The following XXYLT1 variants were observed in gnomAD, a reference collection of about 807,000 sequenced individuals.
The protein encoded by XXYLT1 is UDP-xylose:alpha-xyloside alpha-1,3-xylosyltransferase.
A neutral mutation model predicts 28.9 loss-of-function variants in XXYLT1; 20 were observed. The ratio of observed to expected loss-of-function variants is 0.69; its 90% CI spans 0.49 to 1.00. The LOEUF (loss-of-function observed/expected upper bound fraction) is 1.00. Ranked by LOEUF, XXYLT1 falls within the 50% of genes least tolerant of loss-of-function variation. The pLI, the probability that XXYLT1 is intolerant of heterozygous loss-of-function variation, is 0.00. For synonymous variants in XXYLT1, 257 were observed against 253.8 expected (o/e 1.01, Z -0.12); for missense variants, 542 against 560.1 (o/e 0.97, Z 0.33).
chr3:195,090,579 G>A (rs1454924839), intron 3 of XXYLT1, among the ~76,000 whole-genome samples: 1 of 151,184 alleles, frequency 6.6e-6, no homozygotes, highest in East Asian at 1.9e-4. Context: ...AAGCAGGAAA[G>A]ATCCAAAATT....
Position 195,257,561 on chromosome 3 carries a change from C to T in XXYLT1, c.504+12994G>A, listed in dbSNP as rs1366307772. Among the ~76,000 whole-genome samples the T allele has an allele frequency of 6.6e-6, 1 of 152,154 alleles. No individual in the cohort carries two copies. The highest frequency in any genetic ancestry group is 2.4e-5 in the African/African-American group (1 of 41,438). On this transcript the variant is annotated intron_variant, in intron 1 of 3. Coordinates refer to ENST00000310380, the MANE Select transcript of XXYLT1 (RefSeq NM_152531.5). This position sits in a 1 kb window ranked among gnomAD's most constrained non-coding sequence, Gnocchi z 4.3. ...CCAGAGATGGGAAGTGGCCGGGGTA[C>T]ACCACAACCCCAGGCAGTCCAGCCA... is the stretch of plus-strand genomic sequence containing the variant.
At chr3:195,108,765 G>A (rs538551408) in intron 3 of XXYLT1, among the ~76,000 whole-genome samples, 1 of 152,264 alleles carries the variant, frequency 6.6e-6, no homozygotes, top group African/African-American at 2.4e-5. Flanking sequence ...GTAATAATAT[G>A]GTATTATAAT....
At chr3:195,270,142 C>A in intron 1 of XXYLT1, 1 of 412,498 alleles carries the variant, frequency 2.4e-6, no homozygotes. Context: ...GAGGCCTCAC[C>A]AAGGCCCTCT....
At position 195,133,771 on chromosome 3, in the gene XXYLT1, C is replaced by T. The variant is rs908264316; in HGVS notation, c.785+22678G>A. On this transcript the variant is annotated intron_variant, in intron 3 of 3. Coordinates refer to ENST00000310380, the MANE Select transcript of XXYLT1 (RefSeq NM_152531.5). This position sits in a 1 kb window ranked among gnomAD's most constrained non-coding sequence, Gnocchi z 4.4. Reference sequence around the variant, plus strand: ...AGATCATGATGGAGCTGAAAAATCCCCATTGCCTAGTGACGTCTTGGGGAT... The same window carrying T: ...AGATCATGATGGAGCTGAAAAATCCTCATTGCCTAGTGACGTCTTGGGGAT... Among the ~76,000 whole-genome samples, 1 of 152,212 alleles carries T rather than the reference C, an allele frequency of 6.6e-6. No homozygotes were observed. Among genetic ancestry groups the T allele is most frequent in the African/African-American group, 2.4e-5 (1 of 41,456 alleles).
intron 3 of XXYLT1, among the ~76,000 whole-genome samples, chr3:195,139,014 T>C (rs549949408): frequency 7.9e-5 from 12 of 151,984 alleles, no homozygotes; most frequent in Non-Finnish European, 1.6e-4. Flanking sequence ...AGGGGTTCAG[T>C]GCAGCTGAAA....
In XXYLT1 at chr3:195,158,780, A is replaced by G. The variant is rs183728930; in HGVS notation, c.653-2199T>C. 3.4e-3 allele frequency among the ~76,000 whole-genome samples: 512 copies of G among 152,334 alleles called. 5 individuals carry two copies. Among genetic ancestry groups the G allele is most frequent in the African/African-American group, 0.012 (503 of 41,578 alleles). Reference sequence around the variant, plus strand: ...ACCTGTCCAGGAGGTTAGCCCCTTCATGTAATTATGAAATAAGACGCCAAG... The same window carrying G: ...ACCTGTCCAGGAGGTTAGCCCCTTCGTGTAATTATGAAATAAGACGCCAAG... On this transcript the variant is annotated intron_variant, in intron 2 of 3. Coordinates refer to ENST00000310380, the MANE Select transcript of XXYLT1 (RefSeq NM_152531.5).
At chr3:195,103,462 C>CACCCCACACCAGCGGCCTGCG (rs1716921475) in intron 3 of XXYLT1, among the ~76,000 whole-genome samples, 1 of 152,170 alleles carries the variant, frequency 6.6e-6, no homozygotes, top group African/African-American at 2.4e-5. Flanking sequence ...CTGCGTCCAT[C>CACCCCACACCAGCGGCCTGCG]TCTTCTGCAT....
chr3:195,135,793 T>TGGATGGAC (rs1719163273), intron 3 of XXYLT1, among the ~76,000 whole-genome samples: 1 of 152,046 alleles, frequency 6.6e-6, no homozygotes, highest in African/African-American at 2.4e-5. Flanking sequence ...GATGGATAAA[T>TGGATGGAC]GGATGGACGG....
chr3:195,189,773 G>T (rs1424914449), intron 2 of XXYLT1, among the ~76,000 whole-genome samples: 1 of 151,932 alleles, frequency 6.6e-6, no homozygotes, highest in African/African-American at 2.4e-5. Flanking sequence ...AGACAAAATA[G>T]GTGAAAAAAA....
At chr3:195,252,725 C>CAGAGAGAGAGAGAGAG (rs1366490007) in intron 1 of XXYLT1, among the ~76,000 whole-genome samples, 1 of 129,040 alleles carries the variant, frequency 7.7e-6, no homozygotes, top group African/African-American at 3.3e-5. Context: ...CACACACACA[C>CAGAGAGAGAGAGAGAG]ACAGAGAGAG....
At chr3:195,270,195 G>A (rs1725971133) in intron 1 of XXYLT1, 1 of 520,342 alleles carries the variant, frequency 1.9e-6, no homozygotes, top group Non-Finnish European at 3.6e-6. Context: ...CCCATCCTCA[G>A]AAGTCAAAAA....
intron 3 of XXYLT1, among the ~76,000 whole-genome samples, chr3:195,087,768 T>G (rs1715819802): frequency 6.6e-6 from 1 of 152,038 alleles, no homozygotes; most frequent in Admixed American, 6.6e-5. Context: ...CCATCTGAGG[T>G]ACCGGGTTCA....
rs757575763 is a variant in XXYLT1, at chr3:195,256,131, G to A, written c.504+14424C>T. Among the ~76,000 whole-genome samples the A allele has an allele frequency of 4.6e-5, 7 of 152,190 alleles. No homozygotes were observed. Among genetic ancestry groups the A allele is most frequent in the Non-Finnish European group, 5.9e-5 (4 of 68,026 alleles). On this transcript the variant is annotated intron_variant, in intron 1 of 3. Transcript: ENST00000310380. This position sits in a 1 kb window ranked among gnomAD's most constrained non-coding sequence, Gnocchi z 4.2. ...GGCTTTGGAGGGACAAGAACAAACC[G>A]CCAAAATCAACAGGCATCGGGCAGA...
At chr3:195,148,493 G>A (rs1456211735) in intron 3 of XXYLT1, among the ~76,000 whole-genome samples, 1 of 152,004 alleles carries the variant, frequency 6.6e-6, no homozygotes, top group African/African-American at 2.4e-5. Flanking sequence ...TTCATCTTCA[G>A]GTGTCAGAGA....
At chr3:195,231,771 T>C (rs1215380218) in intron 1 of XXYLT1, among the ~76,000 whole-genome samples, 6 of 151,868 alleles carry the variant, frequency 4.0e-5, no homozygotes, top group African/African-American at 1.5e-4. Context: ...TTTTTTTAAA[T>C]GTACTGCTGA....
chr3:195,232,688 T>G (rs1448314686), intron 1 of XXYLT1, among the ~76,000 whole-genome samples: 1 of 152,222 alleles, frequency 6.6e-6, no homozygotes, highest in Non-Finnish European at 1.5e-5. Flanking sequence ...TTTGTATAGT[T>G]TCCAAAATTC....
At position 195,208,909 on chromosome 3, in the gene XXYLT1, G is replaced by A. The variant is rs184368294; in HGVS notation, c.652+17800C>T. On this transcript the variant is annotated intron_variant, in intron 2 of 3. Transcript: ENST00000310380. ...TTCCTTGAGGTTAGCTCCCAAATCA[G>A]CTCACAATCAGAAGCTCACTCCCAT... Among the ~76,000 whole-genome samples the A allele has an allele frequency of 1.3e-3, 197 of 152,290 alleles. 1 individual carries two copies. The highest frequency in any genetic ancestry group is 4.6e-3 in the African/African-American group (193 of 41,558).
At chr3:195,112,600 T>C (rs1402056078) in intron 3 of XXYLT1, among the ~76,000 whole-genome samples, 1 of 124,030 alleles carries the variant, frequency 8.1e-6, no homozygotes, top group Admixed American at 8.8e-5. Context: ...CACACACGCA[T>C]GCACACACAC....
At chr3:195,190,050 G>A (rs1722352380) in intron 2 of XXYLT1, among the ~76,000 whole-genome samples, 1 of 150,210 alleles carries the variant, frequency 6.7e-6, no homozygotes, top group Non-Finnish European at 1.5e-5. Flanking sequence ...GCAATGTGAT[G>A]ACATAAAGTA....
Sources: gnomAD v4.1 joint callset for allele counts (sites outside exome capture counted in the v4.1 genomes callset) on GRCh38, gnomAD v4.1.1 for gene constraint, Gnocchi (gnomAD v3.1) non-coding constraint, MANE v1.5 for transcripts, NCBI Gene and HGNC (gene_info 2026-07-23, HGNC 2026-07-21) for gene names.